LPL: variants seen among roughly 807,000 people sequenced by gnomAD.
LPL encodes the protein phospholipase A1.
In LPL, 43 loss-of-function variants were observed where a neutral mutation model predicts 52.2. The ratio of observed to expected loss-of-function variants is 0.82; its 90% CI spans 0.64 to 1.06. LPL has a LOEUF of 1.06. LPL is among the 50% of genes least tolerant of loss of function. The pLI is 0.00. For synonymous variants in LPL, 244 were observed against 215.6 expected (o/e 1.13, Z -1.15); for missense variants, 639 against 585.3 (o/e 1.09, Z -0.95).
In LPL at chr8:19,956,052, C is replaced by A. The variant is rs118204081; in HGVS notation, c.987C>A (p.Tyr329Ter). ...GAGCCAAAAGAAGCAGCAAAATGTA[C>A]CTGAAGACTCGTTCTCAGATGCCCT... is the stretch of plus-strand genomic sequence containing the variant. Reference protein sequence around the residue: ...KVRAKRSSKMYLKTRSQMPYK... With the variant: ...KVRAKRSSKM Residue 329 changes from tyrosine (Y) to a stop codon, truncating the protein, a stop_gained, in exon 6 of 10, where the codon TAC becomes TAA. Transcript: ENST00000650287. LOFTEE classifies it high-confidence loss of function. 1 of 1,614,122 alleles carries A rather than the reference C, an allele frequency of 6.2e-7. No homozygotes were observed. Among genetic ancestry groups the A allele is most frequent in the South Asian group, 1.1e-5 (1 of 91,084 alleles).
At chr8:19,952,250 A>C (rs900670479) in intron 3 of LPL, among the ~76,000 whole-genome samples, 2 of 152,214 alleles carry the variant, frequency 1.3e-5, no homozygotes, top group Non-Finnish European at 2.9e-5. Flanking sequence ...CGGACAGAGG[A>C]AAGATGGCAT....
rs182757938 is a variant in LPL, at chr8:19,965,541, C to T, written c.*231C>T. On this transcript the variant is annotated 3_prime_UTR_variant, in exon 10 of 10. Coordinates refer to ENST00000650287, the MANE Select transcript of LPL (RefSeq NM_000237.3). Reference sequence around the variant, plus strand: ...AGTGGCCAAATAGCACATCCTCCAACGTTAAAAGACAGTGGATCATGAAAA... The same window carrying T: ...AGTGGCCAAATAGCACATCCTCCAATGTTAAAAGACAGTGGATCATGAAAA... The T allele has an allele frequency of 2.5e-5, 13 of 522,472 alleles. No homozygotes were observed. Among genetic ancestry groups the T allele is most frequent in the Admixed American group, 2.3e-4 (7 of 30,770 alleles). The allele number at this position is 522,472 out of a possible 1,614,324, so 32.4% of individuals were successfully genotyped here.
Position 19,950,735 on chromosome 8 carries a change from C to T in LPL, c.250-1034C>T, listed in dbSNP as rs992827997. 6.6e-6 allele frequency among the ~76,000 whole-genome samples: 1 copy of T among 151,928 alleles called. No individual in the cohort carries two copies. Among genetic ancestry groups the T allele is most frequent in the African/African-American group, 2.4e-5 (1 of 41,336 alleles). On this transcript the variant is annotated intron_variant, in intron 2 of 9. Transcript: ENST00000650287. This position sits in a 1 kb window ranked among gnomAD's most constrained non-coding sequence, Gnocchi z 4.2. The stretch of plus-strand genomic sequence containing the variant: ...AGGAGAATCGCTTGAACCAAGGAGG[C>T]GGAGGTTGCACTGAGCTGAGATCAT...
At chr8:19,960,101 C>G (rs999869170) in intron 7 of LPL, among the ~76,000 whole-genome samples, 7 of 151,358 alleles carry the variant, frequency 4.6e-5, no homozygotes, top group Non-Finnish European at 8.9e-5. Context: ...CCCTTTACTA[C>G]TAATCAAAGA....
At chr8:19,945,830 T>C (rs898400950) in intron 1 of LPL, among the ~76,000 whole-genome samples, 13 of 152,200 alleles carry the variant, frequency 8.5e-5, no homozygotes, top group Non-Finnish European at 1.9e-4. Flanking sequence ...GTAAGCGAGA[T>C]CTGTCTGCCA....
chr8:19,953,480 G>C (rs2069952754), intron 4 of LPL, 59 bp downstream of exon 4: 2 of 1,320,526 alleles, frequency 1.5e-6, no homozygotes. Flanking sequence ...CATTCTGAGA[G>C]AGAATCAGAA....
At chr8:19,948,698 A>G (rs2069905183) in intron 2 of LPL, among the ~76,000 whole-genome samples, 1 of 152,172 alleles carries the variant, frequency 6.6e-6, no homozygotes, top group Admixed American at 6.5e-5. Flanking sequence ...CATTGCCAGG[A>G]GAACCTTTCT....
At chr8:19,941,440 T>C (rs1240617371) in intron 1 of LPL, among the ~76,000 whole-genome samples, 1 of 152,198 alleles carries the variant, frequency 6.6e-6, no homozygotes. Context: ...GTGTCACCTC[T>C]CTGGGTTTAG....
Position 19,955,927 on chromosome 8 carries a change from G to C in LPL, c.862G>C (p.Ala288Pro), listed in dbSNP as rs1800011. The change falls in exon 6 of 10, where the codon GCC (alanine) becomes CCC (proline). Residue 288 changes from alanine to proline, a missense_variant. Coordinates refer to ENST00000650287, the MANE Select transcript of LPL (RefSeq NM_000237.3). ...SLLNEENPSKAYRCSSKEAFE... is the reference protein window; with the variant it reads ...SLLNEENPSKPYRCSSKEAFE... The stretch of plus-strand genomic sequence containing the variant: ...GTTGAATGAAGAAAATCCAAGTAAG[G>C]CCTACAGGTGCAGTTCCAAGGAAGC... 6.2e-7 allele frequency: 1 copy of C among 1,614,158 alleles called. No homozygotes were observed. The highest frequency in any genetic ancestry group is 1.1e-5 in the South Asian group (1 of 91,086).
At position 19,953,352 on chromosome 8, in the gene LPL, T is replaced by C; in HGVS notation, c.472T>C (p.Tyr158His). Reference sequence around the variant, plus strand: ...TCTGGACAATGTCCATCTCTTGGGATACAGCCTTGGAGCCCATGCTGCTGG... The same window carrying C: ...TCTGGACAATGTCCATCTCTTGGGACACAGCCTTGGAGCCCATGCTGCTGG... Reference protein sequence around the residue: ...YPLDNVHLLGYSLGAHAAGIA... With the variant: ...YPLDNVHLLGHSLGAHAAGIA... The change falls in exon 4 of 10, where the codon TAC (tyrosine) becomes CAC (histidine). Residue 158 changes from tyrosine (Y) to histidine (H), a missense_variant. Tyr to His is a moderately conservative substitution (Grantham distance 83). Transcript: ENST00000650287. 3 of 1,614,056 alleles carry C rather than the reference T, an allele frequency of 1.9e-6. No individual in the cohort carries two copies. The highest frequency in any genetic ancestry group is 2.5e-6 in the Non-Finnish European group (3 of 1,179,910).
chr8:19,954,227 C>G lies in LPL; in HGVS notation c.649C>G (p.Pro217Ala), dbSNP rs1291000478. The change falls in exon 5 of 10, where the codon CCT becomes GCT. Residue 217 changes from proline (P) to alanine (A), a missense_variant. Pro to Ala is a conservative substitution (Grantham distance 27, BLOSUM62 -1). Transcript: ENST00000650287. ...DVLHTFTRGS[P>A]GRSIGIQKPV... ...CTTACACACATTCACCAGAGGGTCC[C>G]CTGGTCGAAGCATTGGAATCCAGAA... 2 of 1,614,096 alleles carry G rather than the reference C, an allele frequency of 1.2e-6. No individual in the cohort carries two copies. The highest frequency in any genetic ancestry group is 1.7e-6 in the Non-Finnish European group (2 of 1,179,968).
chr8:19,959,138 G>C, intron 6 of LPL, 122 bp from the exon 7 acceptor site: 1 of 1,175,656 alleles, frequency 8.5e-7, no homozygotes, highest in Non-Finnish European at 1.3e-6. Context: ...GTGGTTCCAT[G>C]TGTGTGCACT....
Position 19,939,580 on chromosome 8 carries a change from C to T in LPL, c.88+52C>T. 6.5e-7 allele frequency: 1 copy of T among 1,530,246 alleles called. No individual in the cohort carries two copies. Among genetic ancestry groups the T allele is most frequent in the Non-Finnish European group, 8.9e-7 (1 of 1,123,764 alleles). The allele number at this position is 1,530,246 out of a possible 1,614,324, so 94.8% of individuals were successfully genotyped here. A position where few individuals can be genotyped will look rare whatever the true frequency, so the allele number is the denominator to read the frequency against. On this transcript the variant is annotated intron_variant, in intron 1 of 9. Coordinates refer to ENST00000650287, the MANE Select transcript of LPL (RefSeq NM_000237.3). This position sits in a 1 kb window ranked among gnomAD's most constrained non-coding sequence, Gnocchi z 4.0. Reference sequence around the variant, plus strand: ...CACCTGCAGACCCGGCGGGTGGCCACTGCCACCCGAACTGAGGATGAGAAG... The same window carrying T: ...CACCTGCAGACCCGGCGGGTGGCCATTGCCACCCGAACTGAGGATGAGAAG...
rs762934948 is a variant in LPL, at chr8:19,943,383, G to A, written c.88+3855G>A. Among the ~76,000 whole-genome samples the A allele has an allele frequency of 5.3e-4, 81 of 152,084 alleles. 2 individuals carry two copies. The highest frequency in any genetic ancestry group is 7.4e-5 in the Non-Finnish European group (5 of 68,012). On this transcript the variant is annotated intron_variant, in intron 1 of 9. Coordinates refer to ENST00000650287, the MANE Select transcript of LPL (RefSeq NM_000237.3). ...AATAATGTACCTTTGAAAAAAAATT[G>A]GCTGCAGAATTAATTACGGTGAAAA...
rs2069927968 is a variant in LPL at position 19,950,879 on chromosome 8, G to GAGGAAGGAAGGAAGGAATGAAGGA, written c.250-876_250-853dup. On this transcript the variant is annotated intron_variant, in intron 2 of 9. Coordinates refer to ENST00000650287, the MANE Select transcript of LPL (RefSeq NM_000237.3). The surrounding 1 kb of genome is among the most constrained non-coding windows in gnomAD (Gnocchi z 4.2). ...GGAAGGAGGAAGGGAAGGAGGGAGG[G>GAGGAAGGAAGGAAGGAATGAAGGA]AGGAAGGAAGGAAGGAATGAAGGAA... Among the ~76,000 whole-genome samples the GAGGAAGGAAGGAAGGAATGAAGGA allele has an allele frequency of 1.6e-5, 2 of 127,562 alleles. No individual in the cohort carries two copies. The highest frequency in any genetic ancestry group is 6.1e-5 in the African/African-American group (2 of 32,970). 83.7% of individuals were successfully genotyped at this position (127,562 alleles called of 152,430 possible).
rs779281032 is a variant in LPL at position 19,954,162 on chromosome 8, C to T, written c.584C>T (p.Pro195Leu). Residue 195 changes from proline (P) to leucine (L), a missense_variant, in exon 5 of 10, where the codon CCG (proline) becomes CTG (leucine). Coordinates refer to ENST00000650287, the MANE Select transcript of LPL (RefSeq NM_000237.3). ...AGPNFEYAEA[P>L]SRLSPDDADF... ...CCTAACTTTGAGTATGCAGAAGCCC[C>T]GAGTCGTCTTTCTCCTGATGATGCA... 15 of 1,614,070 alleles carry T rather than the reference C, an allele frequency of 9.3e-6. No individual in the cohort carries two copies. Among genetic ancestry groups the T allele is most frequent in the South Asian group, 4.4e-5 (4 of 91,090 alleles).
chr8:19,945,312 G>A (rs1394246345), intron 1 of LPL, among the ~76,000 whole-genome samples: 2 of 152,066 alleles, frequency 1.3e-5, no homozygotes, highest in Non-Finnish European at 2.9e-5. Context: ...AGACATCCTC[G>A]GGGGGTTGCA....
Position 19,939,479 on chromosome 8 carries a change from G to A in LPL, c.39G>A (p.Val13=). The change falls in exon 1 of 10, where the codon GTG becomes GTA. Residue 13 remains valine, a synonymous_variant. Transcript: ENST00000650287. This position sits in a 1 kb window ranked among gnomAD's most constrained non-coding sequence, Gnocchi z 4.0. The part of the protein sequence containing the change: ...SKALLVLTLA[V]WLQSLTASRG... ...CCCTGCTCGTGCTGACTCTGGCCGT[G>A]TGGCTCCAGAGTCTGACCGCCTCCC... The A allele has an allele frequency of 1.2e-6, 2 of 1,611,068 alleles. No homozygotes were observed. Among genetic ancestry groups the A allele is most frequent in the Non-Finnish European group, 1.7e-6 (2 of 1,179,184 alleles).
intron 2 of LPL, among the ~76,000 whole-genome samples, chr8:19,949,944 G>A (rs2069918607): frequency 6.8e-6 from 1 of 146,802 alleles, no homozygotes; most frequent in Non-Finnish European, 1.5e-5. Context: ...ACTTTGGGAA[G>A]TTGTGGGAAA....
Sources: allele counts gnomAD v4.1 joint callset (sites outside exome capture counted in the v4.1 genomes callset), GRCh38; gene constraint gnomAD v4.1.1; non-coding constraint Gnocchi (gnomAD v3.1); transcripts MANE v1.5; gene names NCBI Gene and HGNC (gene_info 2026-07-23, HGNC 2026-07-21).